VEPH1: variants seen among roughly 807,000 people sequenced by gnomAD.
The protein encoded by VEPH1 is ventricular zone-expressed PH domain-containing protein homolog 1.
A neutral mutation model predicts 85.2 loss-of-function variants in VEPH1; 80 were observed. The observed-to-expected ratio is 0.94, with a 90% CI of 0.78 to 1.13. VEPH1 has a LOEUF of 1.13. Ranked by LOEUF, VEPH1 falls within the 50% of genes most tolerant of loss-of-function variation. The probability of loss-of-function intolerance (pLI) is 0.00; values close to 1 mark genes in which losing one functional copy is unlikely to be tolerated. For missense variants in VEPH1, 955 were observed against 980.5 expected (o/e 0.97, Z 0.35); for synonymous variants, 297 against 348.0 (o/e 0.85, Z 1.63).
intron 4 of VEPH1, among the ~76,000 whole-genome samples, chr3:157,439,261 T>C (rs752067464): frequency 3.3e-5 from 5 of 152,240 alleles, no homozygotes; most frequent in Non-Finnish European, 5.9e-5. Context: ...ACTCTATTTT[T>C]TATCTTCATC....
At chr3:157,393,773 T>G (rs2108935110) in intron 6 of VEPH1, among the ~76,000 whole-genome samples, 1 of 152,270 alleles carries the variant, frequency 6.6e-6, no homozygotes, top group South Asian at 2.1e-4. Flanking sequence ...CAATATCAGG[T>G]TTTAAAAGCC....
intron 2 of VEPH1, among the ~76,000 whole-genome samples, chr3:157,490,589 A>T (rs1739138409): frequency 6.6e-6 from 1 of 151,996 alleles, no homozygotes. Context: ...CACTTAGATT[A>T]AAAAAAACTT....
chr3:157,370,353 G>T (rs577332812), intron 7 of VEPH1, among the ~76,000 whole-genome samples: 4 of 152,134 alleles, frequency 2.6e-5, no homozygotes, highest in Non-Finnish European at 5.9e-5. Flanking sequence ...AATGTTTGAT[G>T]ATCTTGGCCT....
intron 6 of VEPH1, among the ~76,000 whole-genome samples, chr3:157,398,968 T>C (rs893565056): frequency 2.6e-5 from 4 of 152,184 alleles, no homozygotes; most frequent in South Asian, 2.1e-4. Context: ...TCCAGTCAAG[T>C]TGACACCTAA....
chr3:157,466,916 T>C lies in VEPH1; in HGVS notation c.354+3398A>G, dbSNP rs746423745. Among the ~76,000 whole-genome samples, 67 of 152,208 alleles carry C rather than the reference T, an allele frequency of 4.4e-4. No individual in the cohort carries two copies. In the Middle Eastern group the frequency reaches 0.01, roughly 23 times the overall value. Reference sequence around the variant, plus strand: ...ATATATGTACCGATTTTGTATTGAGTTTCCTCAATACAAAATCAGTAGAAG... The same window carrying C: ...ATATATGTACCGATTTTGTATTGAGCTTCCTCAATACAAAATCAGTAGAAG... On this transcript the variant is annotated intron_variant, in intron 3 of 13. Coordinates refer to ENST00000362010, the MANE Select transcript of VEPH1 (RefSeq NM_001167912.2).
At position 157,495,509 on chromosome 3, in the gene VEPH1, G is replaced by A; in HGVS notation, c.-157-3C>T. ...TTTGAGGTCTTCATTGACACTCTCT[G>A]CAAGGGAAACAAATGACACAATGTA... is the stretch of plus-strand genomic sequence containing the variant. On this transcript the variant is annotated splice_region_variant and splice_polypyrimidine_tract_variant and intron_variant, in intron 1 of 13. Coordinates refer to ENST00000362010, the MANE Select transcript of VEPH1 (RefSeq NM_001167912.2). 7 of 1,452,456 alleles carry A rather than the reference G, an allele frequency of 4.8e-6. No homozygotes were observed. The highest frequency in any genetic ancestry group is 6.3e-6 in the Non-Finnish European group (7 of 1,104,690). The allele number at this position is 1,452,456 out of a possible 1,614,324, so 90.0% of individuals were successfully genotyped here. A position where few individuals can be genotyped will look rare whatever the true frequency, so the allele number is the denominator to read the frequency against.
At chr3:157,360,698 A>C (rs892971724) in intron 9 of VEPH1, among the ~76,000 whole-genome samples, 1 of 152,154 alleles carries the variant, frequency 6.6e-6, no homozygotes, top group African/African-American at 2.4e-5. Flanking sequence ...AAACAATCTA[A>C]CACAAAGCCT....
At chr3:157,478,973 A>G (rs983981848) in intron 2 of VEPH1, among the ~76,000 whole-genome samples, 7 of 152,168 alleles carry the variant, frequency 4.6e-5, no homozygotes, top group African/African-American at 1.7e-4. Context: ...TTCCTCCAAA[A>G]AGGGGGAAAA....
At chr3:157,479,675 C>A (rs572765377) in intron 2 of VEPH1, among the ~76,000 whole-genome samples, 1 of 152,344 alleles carries the variant, frequency 6.6e-6, no homozygotes, top group South Asian at 2.1e-4. Context: ...AGAACATGGA[C>A]TGCATCAGAA....
chr3:157,261,133 C>A lies in VEPH1; in HGVS notation c.*1G>T, dbSNP rs755808337. On this transcript the variant is annotated 3_prime_UTR_variant, in exon 14 of 14. Transcript: ENST00000362010. ...AATTGTCATGGCTGACTTATAAATC[C>A]CTACAGATATGTGGTTACTTCTCTA... 1 of 1,613,270 alleles carries A rather than the reference C, an allele frequency of 6.2e-7. No homozygotes were observed. Among genetic ancestry groups the A allele is most frequent in the Non-Finnish European group, 8.5e-7 (1 of 1,179,582 alleles).
chr3:157,310,715 C>G (rs1364607698), intron 11 of VEPH1, among the ~76,000 whole-genome samples: 1 of 152,196 alleles, frequency 6.6e-6, no homozygotes, highest in African/African-American at 2.4e-5. Context: ...TCTGGCAACT[C>G]AATTTCAACT....
chr3:157,412,593 C>T (rs566006080), intron 6 of VEPH1, among the ~76,000 whole-genome samples: 1 of 152,266 alleles, frequency 6.6e-6, no homozygotes, highest in African/African-American at 2.4e-5. Flanking sequence ...AGTGGGTTCT[C>T]TTGGCAGAAA....
intron 2 of VEPH1, among the ~76,000 whole-genome samples, chr3:157,471,748 A>C (rs1222958346): frequency 6.8e-6 from 1 of 148,104 alleles, no homozygotes; most frequent in Admixed American, 6.7e-5. Flanking sequence ...GGTACAATAT[A>C]TTTTTCTATT....
intron 12 of VEPH1, among the ~76,000 whole-genome samples, chr3:157,279,975 C>T (rs888900975): frequency 6.9e-6 from 1 of 144,260 alleles, no homozygotes; most frequent in Non-Finnish European, 1.5e-5. Context: ...GAGACTGTGC[C>T]ACTGCACTCC....
rs1402392180 is a variant in VEPH1 at position 157,260,705 on chromosome 3, GTTTTC to G, written c.*424_*428del. On this transcript the variant is annotated 3_prime_UTR_variant, in exon 14 of 14. Coordinates refer to ENST00000362010, the MANE Select transcript of VEPH1 (RefSeq NM_001167912.2). ...GTTTCTAAAGGTTTTTTTTTTTAAA[GTTTTC>G]TTTTAATACCTTTGACAGACTGTGA... 1.3e-5 allele frequency: 2 copies of G among 152,928 alleles called. No individual in the cohort carries two copies. Among genetic ancestry groups the G allele is most frequent in the Non-Finnish European group, 2.9e-5 (2 of 69,064 alleles). 9.5% of individuals were successfully genotyped at this position (152,928 alleles called of 1,614,324 possible).
intron 4 of VEPH1, among the ~76,000 whole-genome samples, chr3:157,436,119 A>C (rs748204568): frequency 6.6e-6 from 1 of 152,142 alleles, no homozygotes; most frequent in Non-Finnish European, 1.5e-5. Context: ...TCTACTAAAA[A>C]TACAAAAATT....
chr3:157,309,462 G>A (rs1311520864), intron 11 of VEPH1, among the ~76,000 whole-genome samples: 3 of 152,042 alleles, frequency 2.0e-5, no homozygotes, highest in Admixed American at 6.5e-5. Flanking sequence ...GGTGCTGGGT[G>A]TACAATGACA....
At chr3:157,280,879 T>C (rs1716010233) in intron 12 of VEPH1, among the ~76,000 whole-genome samples, 1 of 152,226 alleles carries the variant, frequency 6.6e-6, no homozygotes, top group Non-Finnish European at 1.5e-5. Flanking sequence ...CAAATGCTTA[T>C]TAAACACTAT....
chr3:157,357,332 G>A (rs1577429970), intron 9 of VEPH1, among the ~76,000 whole-genome samples: 1 of 152,094 alleles, frequency 6.6e-6, no homozygotes, highest in East Asian at 1.9e-4. Context: ...ACTGCTCCTG[G>A]ATCTCCATAC....
Sources: allele counts gnomAD v4.1 joint callset (sites outside exome capture counted in the v4.1 genomes callset), GRCh38; gene constraint gnomAD v4.1.1; transcripts MANE v1.5; gene names NCBI Gene and HGNC (gene_info 2026-07-23, HGNC 2026-07-21).